The following ALDH1L2 variants were observed in gnomAD, a reference collection of about 807,000 sequenced individuals.
ALDH1L2 encodes mitochondrial 10-formyltetrahydrofolate dehydrogenase.
A neutral mutation model predicts 111.0 loss-of-function variants in ALDH1L2; 91 were observed. The ratio of observed to expected loss-of-function variants is 0.82; its 90% CI spans 0.69 to 0.98. ALDH1L2 has a LOEUF of 0.98. Among genes scored for constraint, ALDH1L2 ranks in the 50% least tolerant of loss-of-function variants. The pLI, the probability that ALDH1L2 is intolerant of heterozygous loss-of-function variation, is 0.00. For missense variants in ALDH1L2, 995 were observed against 1,126.8 expected (o/e 0.88, Z 1.67); for synonymous variants, 374 against 392.6 (o/e 0.95, Z 0.56).
chr12:105,024,137 C>A lies in ALDH1L2; in HGVS notation c.*287G>T. ...GGTACTGACATCTTCAAGATGGGAA[C>A]CATGAATAGATTTGTCTAGGTAGGG... On this transcript the variant is annotated 3_prime_UTR_variant, in exon 23 of 23. Transcript: ENST00000258494. 2.0e-6 allele frequency: 1 copy of A among 502,956 alleles called. No homozygotes were observed. The highest frequency in any genetic ancestry group is 3.6e-6 in the Non-Finnish European group (1 of 279,914). The allele number at this position is 502,956 out of a possible 1,614,324, so 31.2% of individuals were successfully genotyped here.
chr12:105,070,643 T>C lies in ALDH1L2; in HGVS notation c.355A>G (p.Ser119Gly). The part of the protein sequence containing the change: ...TQFIPMDIID[S>G]PKHGSIIYHP... ...TAAATGATAGAGCCGTGCTTTGGACTATCAATTATATCCATGGGAATGAAC... is the reference window on the plus strand; with the variant it reads ...TAAATGATAGAGCCGTGCTTTGGACCATCAATTATATCCATGGGAATGAAC... The change falls in exon 3 of 23, where the codon AGT becomes GGT. Residue 119 changes from serine (S) to glycine (G), a missense_variant. By Grantham distance (56) the Ser-to-Gly change is moderately conservative (BLOSUM62 0). Coordinates refer to ENST00000258494, the MANE Select transcript of ALDH1L2 (RefSeq NM_001034173.4). 6.2e-7 allele frequency: 1 copy of C among 1,614,172 alleles called. No homozygotes were observed. The highest frequency in any genetic ancestry group is 8.5e-7 in the Non-Finnish European group (1 of 1,180,012).
chr12:105,078,824 G>C (rs1025589232), intron 1 of ALDH1L2, among the ~76,000 whole-genome samples: 2 of 152,180 alleles, frequency 1.3e-5, no homozygotes, highest in African/African-American at 4.8e-5. Context: ...TCCATCTTGG[G>C]AGTTGGCAGA....
intron 3 of ALDH1L2, among the ~76,000 whole-genome samples, chr12:105,070,161 C>CT (rs758022233): frequency 7.9e-5 from 12 of 152,194 alleles, no homozygotes; most frequent in Non-Finnish European, 1.8e-4. Context: ...ATAAACCAAA[C>CT]TTACTGACCA....
rs1302439926 is a variant in ALDH1L2, at chr12:105,022,503, C to A, written c.*1921G>T. Reference sequence around the variant, plus strand: ...GGCATGTTTTTGTCTGCCATTCCATCTATCATTAAAATAATTTGATTAAAT... The same window carrying A: ...GGCATGTTTTTGTCTGCCATTCCATATATCATTAAAATAATTTGATTAAAT... On this transcript the variant is annotated 3_prime_UTR_variant, in exon 23 of 23. Coordinates refer to ENST00000258494, the MANE Select transcript of ALDH1L2 (RefSeq NM_001034173.4). 1.3e-5 allele frequency: 2 copies of A among 152,186 alleles called. No homozygotes were observed. Among genetic ancestry groups the A allele is most frequent in the East Asian group, 3.8e-4 (2 of 5,208 alleles). 9.4% of individuals were successfully genotyped at this position (152,186 alleles called of 1,614,324 possible). A position where few individuals can be genotyped will look rare whatever the true frequency, so the allele number is the denominator to read the frequency against.
intron 15 of ALDH1L2, among the ~76,000 whole-genome samples, chr12:105,041,064 A>T (rs970921263): frequency 6.6e-6 from 1 of 152,358 alleles, no homozygotes; most frequent in East Asian, 1.9e-4. Flanking sequence ...ATAAAACAAG[A>T]AATTCTTTTA....
At chr12:105,078,239 C>T (rs959544083) in intron 1 of ALDH1L2, among the ~76,000 whole-genome samples, 1 of 152,088 alleles carries the variant, frequency 6.6e-6, no homozygotes, top group Non-Finnish European at 1.5e-5. Context: ...TGCCGATCAC[C>T]TGAGGTCAGG....
At chr12:105,070,322 G>C (rs554482984) in intron 3 of ALDH1L2, among the ~76,000 whole-genome samples, 2 of 152,242 alleles carry the variant, frequency 1.3e-5, no homozygotes, top group East Asian at 3.9e-4. Context: ...CCTCACAACT[G>C]TTCAAGCATG....
Position 105,037,295 on chromosome 12 carries a change from G to A in ALDH1L2, c.2145+808C>T, listed in dbSNP as rs74595194. Among the ~76,000 whole-genome samples, 879 of 152,304 alleles carry A rather than the reference G, an allele frequency of 5.8e-3. 24 individuals carry two copies. The East Asian group carries it at 0.093, about 16-fold the overall frequency. ...GCTCACAAGGTGTTGCAAAAATAATGTGAGAGTTCCTTTGTGCCCTTTACC... is the reference window on the plus strand; with the variant it reads ...GCTCACAAGGTGTTGCAAAAATAATATGAGAGTTCCTTTGTGCCCTTTACC... On this transcript the variant is annotated intron_variant, in intron 18 of 22. Transcript: ENST00000258494.
chr12:105,040,082 C>T (rs1385588257), intron 16 of ALDH1L2, among the ~76,000 whole-genome samples: 4 of 139,512 alleles, frequency 2.9e-5, no homozygotes, highest in Admixed American at 1.5e-4. Flanking sequence ...GCCAAGATCG[C>T]GCCTTTGCAC....
At chr12:105,073,063 T>C (rs894159611) in intron 2 of ALDH1L2, among the ~76,000 whole-genome samples, 5 of 152,370 alleles carry the variant, frequency 3.3e-5, no homozygotes, top group African/African-American at 1.2e-4. Context: ...GAGCTATCTT[T>C]GACTGTCCTC....
chr12:105,041,503 C>T (rs1875531871), intron 15 of ALDH1L2, among the ~76,000 whole-genome samples: 1 of 152,214 alleles, frequency 6.6e-6, no homozygotes, highest in African/African-American at 2.4e-5. Context: ...CAACTTTCAT[C>T]ACTGTAAATT....
At chr12:105,066,447 C>G (rs1156779627) in intron 5 of ALDH1L2, 121 bp downstream of exon 5, 1 of 824,046 alleles carries the variant, frequency 1.2e-6, no homozygotes, top group Non-Finnish European at 2.0e-6. Context: ...CCTGTCTACT[C>G]TAACAGGTAG....
chr12:105,039,577 A>C (rs1209552011), intron 17 of ALDH1L2, 136 bp downstream of exon 17: 1 of 630,682 alleles, frequency 1.6e-6, no homozygotes, highest in African/African-American at 1.8e-5. Flanking sequence ...CAAATATTTC[A>C]ATACTCAGCA....
chr12:105,061,823 G>T, intron 7 of ALDH1L2, 71 bp from the exon 8 acceptor site: 1 of 1,575,828 alleles, frequency 6.3e-7, no homozygotes. Flanking sequence ...CTGGTGGGAG[G>T]AGTCCTATAG....
At chr12:105,043,050 C>A (rs7301527) in intron 15 of ALDH1L2, among the ~76,000 whole-genome samples, 56,092 of 151,968 alleles carry the variant, frequency 0.37, 10,606 homozygotes, top group South Asian at 0.53. Flanking sequence ...AATAAATGAA[C>A]CATAACTAAC....
intron 15 of ALDH1L2, among the ~76,000 whole-genome samples, chr12:105,042,075 TAC>T (rs1281866744): frequency 6.1e-5 from 8 of 131,930 alleles, no homozygotes; most frequent in African/African-American, 2.1e-4. Context: ...GATGTATGTA[TAC>T]ACAACACACA....
rs1312615480 is a variant in ALDH1L2 at position 105,038,158 on chromosome 12, C to A, written c.2090G>T (p.Gly697Val). The A allele has an allele frequency of 3.1e-6, 5 of 1,613,014 alleles. No homozygotes were observed. The highest frequency in any genetic ancestry group is 4.2e-6 in the Non-Finnish European group (5 of 1,179,456). ...NLKKVSLELGGKSPLIIFNDC... is the reference protein window; with the variant it reads ...NLKKVSLELGVKSPLIIFNDC... The stretch of plus-strand genomic sequence containing the variant: ...ATTAAATATTATAAGTGGAGACTTG[C>A]CACCAAGCTCAAGGGAAACTTTCTT... The change falls in exon 18 of 23, where the codon GGC becomes GTC. Residue 697 changes from glycine (G) to valine (V), a missense_variant. Transcript: ENST00000258494.
At chr12:105,029,256 G>A (rs922849441) in intron 21 of ALDH1L2, among the ~76,000 whole-genome samples, 1 of 152,056 alleles carries the variant, frequency 6.6e-6, no homozygotes, top group Non-Finnish European at 1.5e-5. Context: ...TCAAACTCCT[G>A]GCCTCAAGCT....
chr12:105,040,962 A>C (rs1317587918), intron 15 of ALDH1L2, among the ~76,000 whole-genome samples: 1 of 152,228 alleles, frequency 6.6e-6, no homozygotes, highest in Non-Finnish European at 1.5e-5. Flanking sequence ...CTATTTTTTA[A>C]AGATAAATTT....
Sources: gnomAD v4.1 joint callset for allele counts (sites outside exome capture counted in the v4.1 genomes callset) on GRCh38, gnomAD v4.1.1 for gene constraint, MANE v1.5 for transcripts, NCBI Gene and HGNC (gene_info 2026-07-23, HGNC 2026-07-21) for gene names.